IKZF2: variants seen among roughly 807,000 people sequenced by gnomAD.
The protein encoded by IKZF2 is zinc finger protein Helios.
A neutral mutation model predicts 49.2 loss-of-function variants in IKZF2; 15 were observed. The observed-to-expected ratio is 0.30, with a 90% confidence interval of 0.20 to 0.47. The LOEUF (loss-of-function observed/expected upper bound fraction) is 0.47. Ranked by LOEUF, IKZF2 falls within the 20% of genes least tolerant of loss-of-function variation. The probability of loss-of-function intolerance (pLI) is 1.00; values close to 1 mark genes in which losing one functional copy is unlikely to be tolerated. For missense variants in IKZF2, 567 were observed against 664.6 expected, an observed-to-expected ratio of 0.85 and a Z score of 1.61; for synonymous variants, 227 against 221.4, an observed-to-expected ratio of 1.03 and a Z score of -0.23.
At chr2:213,103,171 A>T (rs751657025) in intron 4 of IKZF2, among the ~76,000 whole-genome samples, 4 of 152,152 alleles carry the variant, frequency 2.6e-5, no homozygotes, top group Admixed American at 6.6e-5. Flanking sequence ...CAGAGATATT[A>T]ATTTATTCAT....
intron 4 of IKZF2, among the ~76,000 whole-genome samples, chr2:213,070,728 A>G (rs1198867996): frequency 6.6e-6 from 1 of 152,140 alleles, no homozygotes; most frequent in Non-Finnish European, 1.5e-5. Flanking sequence ...ACATGGGAGC[A>G]CGGTCTCAGT....
intron 4 of IKZF2, among the ~76,000 whole-genome samples, chr2:213,129,032 G>T (rs1267079167): frequency 6.6e-6 from 1 of 151,728 alleles, no homozygotes; most frequent in African/African-American, 2.4e-5. Context: ...CTAAAATAGA[G>T]GGTTTAGAAT....
At chr2:213,096,289 T>C (rs1353107269) in intron 4 of IKZF2, among the ~76,000 whole-genome samples, 2 of 152,010 alleles carry the variant, frequency 1.3e-5, no homozygotes, top group South Asian at 2.1e-4. Context: ...CTGCTAACTA[T>C]AGGTAAAAAC....
Position 213,088,308 on chromosome 2 carries a change from C to A in IKZF2, c.140-31209G>T, listed in dbSNP as rs1042765975. 1.6e-4 allele frequency among the ~76,000 whole-genome samples: 25 copies of A among 152,166 alleles called. No homozygotes were observed. In the East Asian group the frequency reaches 4.8e-3, roughly 29 times the overall value. ...TGTCAGCTACATAAATGTCTTCTTT[C>A]GAGAAGTGTCTGTTCATATCCTTTG... is the stretch of plus-strand genomic sequence containing the variant. On this transcript the variant is annotated intron_variant, in intron 4 of 8. Transcript: ENST00000434687.
At chr2:213,035,043 A>T (rs774001069) in intron 6 of IKZF2, among the ~76,000 whole-genome samples, 1 of 152,212 alleles carries the variant, frequency 6.6e-6, no homozygotes, top group Non-Finnish European at 1.5e-5. Flanking sequence ...TATTCATATA[A>T]AGAATATGTA....
At chr2:213,070,131 C>T (rs1388197260) in intron 4 of IKZF2, among the ~76,000 whole-genome samples, 2 of 152,062 alleles carry the variant, frequency 1.3e-5, no homozygotes, top group Non-Finnish European at 2.9e-5. Context: ...CTTCCTTAAA[C>T]TCAGGAAGCT....
At chr2:213,041,041 C>A (rs1416359715) in intron 6 of IKZF2, among the ~76,000 whole-genome samples, 3 of 151,958 alleles carry the variant, frequency 2.0e-5, no homozygotes, top group Admixed American at 1.3e-4. Context: ...CCACTTAAAC[C>A]CAGGAGGCGG....
At chr2:213,077,362 G>C (rs1013159586) in intron 4 of IKZF2, among the ~76,000 whole-genome samples, 5 of 151,936 alleles carry the variant, frequency 3.3e-5, no homozygotes, top group Admixed American at 1.3e-4. Flanking sequence ...TGAATTTCTT[G>C]AACTTTCTGT....
chr2:213,084,128 C>G (rs573911813), intron 4 of IKZF2, among the ~76,000 whole-genome samples: 1 of 152,240 alleles, frequency 6.6e-6, no homozygotes, highest in African/African-American at 2.4e-5. Context: ...GTACACCTGT[C>G]TAAACTACAG....
At chr2:213,075,049 T>C (rs1482856549) in intron 4 of IKZF2, among the ~76,000 whole-genome samples, 1 of 152,158 alleles carries the variant, frequency 6.6e-6, no homozygotes, top group Non-Finnish European at 1.5e-5. Context: ...CTATACACTA[T>C]ACAGATACTG....
At chr2:213,124,708 A>G (rs921682573) in intron 4 of IKZF2, among the ~76,000 whole-genome samples, 1 of 152,256 alleles carries the variant, frequency 6.6e-6, no homozygotes, top group African/African-American at 2.4e-5. Flanking sequence ...ATAAGTATAC[A>G]ACAACAACAA....
chr2:213,069,911 C>T (rs1291961578), intron 4 of IKZF2, among the ~76,000 whole-genome samples: 2 of 152,110 alleles, frequency 1.3e-5, no homozygotes, highest in Non-Finnish European at 2.9e-5. Flanking sequence ...TTCTTCCTCA[C>T]AGTGCTATTT....
chr2:213,055,817 T>C (rs1251658691), intron 5 of IKZF2, among the ~76,000 whole-genome samples: 3 of 152,170 alleles, frequency 2.0e-5, no homozygotes, highest in African/African-American at 7.2e-5. Flanking sequence ...TTTAATGTTT[T>C]AAGCACGTAA....
At chr2:213,097,872 C>A in intron 4 of IKZF2, 1 of 176,242 alleles carries the variant, frequency 5.7e-6, no homozygotes, top group Non-Finnish European at 1.3e-5. Flanking sequence ...GTCAAACATC[C>A]TTACCTTAAA....
chr2:213,060,010 G>T lies in IKZF2; in HGVS notation c.140-2911C>A, dbSNP rs1701530010. On this transcript the variant is annotated intron_variant, in intron 4 of 8. Transcript: ENST00000434687. ...TGTATTTATACAGTAAATCAATAAA[G>T]TGCAACACATTTTAATATACGCATG... 2.0e-5 allele frequency among the ~76,000 whole-genome samples: 3 copies of T among 151,162 alleles called. 1 individual carries two copies. The South Asian group carries it at 6.2e-4, about 31-fold the overall frequency.
intron 4 of IKZF2, among the ~76,000 whole-genome samples, chr2:213,075,539 G>C (rs1703160349): frequency 6.6e-6 from 1 of 152,070 alleles, no homozygotes; most frequent in South Asian, 2.1e-4. Context: ...GTGACAGTTT[G>C]CTCCAAATGT....
intron 7 of IKZF2, 108 bp downstream of exon 7, chr2:213,021,885 A>G (rs1387263846): frequency 8.5e-7 from 1 of 1,183,216 alleles, no homozygotes; most frequent in African/African-American, 1.5e-5. Flanking sequence ...CAACTCATTT[A>G]AGTTAAAGTG....
At chr2:213,070,096 A>T (rs183239111) in intron 4 of IKZF2, among the ~76,000 whole-genome samples, 19 of 152,252 alleles carry the variant, frequency 1.2e-4, no homozygotes, top group African/African-American at 4.3e-4. Flanking sequence ...AGGAAAAAAA[A>T]ATTCCTTTCA....
At chr2:213,115,824 T>C (rs903044096) in intron 4 of IKZF2, among the ~76,000 whole-genome samples, 2 of 152,164 alleles carry the variant, frequency 1.3e-5, no homozygotes, top group African/African-American at 4.8e-5. Context: ...AATATTCACA[T>C]GGTGTAATAA....
Sources: gnomAD v4.1 joint callset for allele counts (sites outside exome capture counted in the v4.1 genomes callset) on GRCh38, gnomAD v4.1.1 for gene constraint, MANE v1.5 for transcripts, NCBI Gene and HGNC (gene_info 2026-07-23, HGNC 2026-07-21) for gene names.